NTAN1: variants seen among roughly 807,000 people sequenced by gnomAD.
The protein encoded by NTAN1 is protein N-terminal asparagine amidohydrolase.
Under a neutral mutation model 41.9 loss-of-function variants are expected in NTAN1, and 32 were observed. The observed-to-expected ratio is 0.76, with a 90% confidence interval of 0.58 to 1.03. NTAN1 has a LOEUF of 1.03. NTAN1 is among the 50% of genes least tolerant of loss of function. The probability of loss-of-function intolerance (pLI) is 0.00; values close to 1 mark genes in which losing one functional copy is unlikely to be tolerated. For synonymous variants in NTAN1, 140 were observed against 139.5 expected, an observed-to-expected ratio of 1.00 and a Z score of -0.03; for missense variants, 377 against 377.5, an observed-to-expected ratio of 1.00 and a Z score of 0.01.
At position 15,056,021 on chromosome 16, in the gene NTAN1, T is replaced by G. The variant is rs1382313033; in HGVS notation, c.-50A>C. 5 of 989,664 alleles carry G rather than the reference T, an allele frequency of 5.1e-6. No homozygotes were observed. Among genetic ancestry groups the G allele is most frequent in the Admixed American group, 9.6e-5 (2 of 20,736 alleles). 61.3% of individuals were successfully genotyped at this position (989,664 alleles called of 1,614,324 possible). On this transcript the variant is annotated 5_prime_UTR_variant, in exon 1 of 10. Transcript: ENST00000287706. The stretch of plus-strand genomic sequence containing the variant: ...CCCAGGGAGGCGGCGGCCCCCCGCT[T>G]TGCAGCCCCGGGCCGCCCGCCGCCC...
intron 5 of NTAN1, among the ~76,000 whole-genome samples, chr16:15,043,789 A>G (rs1009034796): frequency 6.6e-6 from 1 of 152,080 alleles, no homozygotes; most frequent in Non-Finnish European, 1.5e-5. Context: ...TTCTACCAAA[A>G]ATACAAAAAT....
chr16:15,039,881 AACTT>A lies in NTAN1; in HGVS notation c.639+84_639+87del. 5 of 745,558 alleles carry A rather than the reference AACTT, an allele frequency of 6.7e-6. No individual in the cohort carries two copies. The South Asian group carries it at 8.0e-5, about 12-fold the overall frequency. The allele number at this position is 745,558 out of a possible 1,614,324, so 46.2% of individuals were successfully genotyped here. On this transcript the variant is annotated intron_variant, in intron 8 of 9. Coordinates refer to ENST00000287706, the MANE Select transcript of NTAN1 (RefSeq NM_173474.4). Reference sequence around the variant, plus strand: ...CGGCTATAAAGAAGCTGACAGCATAAACTTTTCTAAGATCCCAAAAACTTAAGGC... The same window carrying A: ...CGGCTATAAAGAAGCTGACAGCATAATTCTAAGATCCCAAAAACTTAAGGC...
chr16:15,045,310 T>C (rs1465287485), intron 4 of NTAN1: 1 of 145,476 alleles, frequency 6.9e-6, no homozygotes, highest in African/African-American at 2.6e-5. Flanking sequence ...GGGGAAAAAA[T>C]AAATAAGTAA....
At chr16:15,049,597 C>T (rs1050684800) in intron 1 of NTAN1, among the ~76,000 whole-genome samples, 4 of 151,736 alleles carry the variant, frequency 2.6e-5, no homozygotes, top group South Asian at 2.1e-4. Context: ...CCCAGCTTTT[C>T]GTATTTTTAG....
Position 15,041,621 on chromosome 16 carries a change from AC to A in NTAN1, c.487+1del. On this transcript the variant is annotated splice_donor_variant, in intron 6 of 9. Coordinates refer to ENST00000287706, the MANE Select transcript of NTAN1 (RefSeq NM_173474.4). LOFTEE classifies it high-confidence loss of function. ...TGCTTTGGGGCAAATGGCAGGACTT[AC>A]CTGTCACACATAATGTCACTAAGTG... The A allele has an allele frequency of 6.2e-7, 1 of 1,607,504 alleles. No individual in the cohort carries two copies. Among genetic ancestry groups the A allele is most frequent in the Non-Finnish European group, 8.5e-7 (1 of 1,173,900 alleles).
chr16:15,039,663 G>A (rs2043718879), intron 8 of NTAN1, among the ~76,000 whole-genome samples: 3 of 152,166 alleles, frequency 2.0e-5, no homozygotes, highest in Admixed American at 6.5e-5. Context: ...TCCTCTCTTT[G>A]TAGAACTTTA....
rs1460908068 is a variant in NTAN1, at chr16:15,047,476, T to C, written c.325A>G (p.Ile109Val). The C allele has an allele frequency of 5.0e-6, 8 of 1,613,626 alleles. No individual in the cohort carries two copies. Among genetic ancestry groups the C allele is most frequent in the Non-Finnish European group, 6.8e-6 (8 of 1,179,484 alleles). ...TGAGCGTGGTCAGAAAAGGATTTTA[T>C]GGAGTTCATGATCAAGGGGACCTCA... ...KAEVPLIMNS[I>V]KSFSDHAQCG... is the part of the protein sequence containing the mutation. Residue 109 changes from isoleucine (I) to valine (V), a missense_variant, in exon 4 of 10, where the codon ATA (isoleucine) becomes GTA (valine). Transcript: ENST00000287706.
intron 1 of NTAN1, 33 bp from the exon 2 acceptor site, chr16:15,048,132 G>A: frequency 1.4e-6 from 2 of 1,426,654 alleles, no homozygotes; most frequent in African/African-American, 1.4e-5. Flanking sequence ...AAATAGTGAT[G>A]TAAATTAGTG....
At chr16:15,038,310 T>TAATA (rs1258177922) in intron 9 of NTAN1, 100 bp from the exon 10 acceptor site, 2 of 849,872 alleles carry the variant, frequency 2.4e-6, no homozygotes, top group Non-Finnish European at 3.6e-6. Context: ...CAAATATATA[T>TAATA]AATAAAATAC....
chr16:15,051,646 G>A (rs2044293903), intron 1 of NTAN1, among the ~76,000 whole-genome samples: 1 of 150,782 alleles, frequency 6.6e-6, no homozygotes, highest in Non-Finnish European at 1.5e-5. Flanking sequence ...CACCACACTT[G>A]TGCTAGGATT....
chr16:15,047,420 A>G (rs1326406984), intron 4 of NTAN1, 22 bp downstream of exon 4: 1 of 1,441,298 alleles, frequency 6.9e-7, no homozygotes. Context: ...CAATTCACCT[A>G]TGAGAGCAGC....
At chr16:15,040,822 CCTTT>C (rs1182397133) in intron 7 of NTAN1, among the ~76,000 whole-genome samples, 4 of 152,132 alleles carry the variant, frequency 2.6e-5, no homozygotes, top group Non-Finnish European at 4.4e-5. Flanking sequence ...CATGGCCTGT[CCTTT>C]CTATTTGCTA....
chr16:15,048,107 A>C lies in NTAN1; in HGVS notation c.82-8T>G. ...GAGAAGTCTGGCTCTTTCCTGTTTAATTAAAAAAAAAATAAAATAGTGATG... is the reference window on the plus strand; with the variant it reads ...GAGAAGTCTGGCTCTTTCCTGTTTACTTAAAAAAAAAATAAAATAGTGATG... On this transcript the variant is annotated splice_polypyrimidine_tract_variant and splice_region_variant and intron_variant, in intron 1 of 9. Coordinates refer to ENST00000287706, the MANE Select transcript of NTAN1 (RefSeq NM_173474.4). 1 of 1,551,472 alleles carries C rather than the reference A, an allele frequency of 6.4e-7. No individual in the cohort carries two copies. Among genetic ancestry groups the C allele is most frequent in the Non-Finnish European group, 8.8e-7 (1 of 1,136,808 alleles).
At chr16:15,049,055 G>A (rs1046570658) in intron 1 of NTAN1, among the ~76,000 whole-genome samples, 4 of 145,954 alleles carry the variant, frequency 2.7e-5, no homozygotes, top group African/African-American at 5.2e-5. Flanking sequence ...CGCCACACCT[G>A]GCTGAGTTTT....
rs557481252 is a variant in NTAN1 at position 15,038,705 on chromosome 16, A to G, written c.640-18T>C. 2 of 1,397,506 alleles carry G rather than the reference A, an allele frequency of 1.4e-6. No homozygotes were observed. Among genetic ancestry groups the G allele is most frequent in the African/African-American group, 1.4e-5 (1 of 70,608 alleles). The allele number at this position is 1,397,506 out of a possible 1,614,324, so 86.6% of individuals were successfully genotyped here. A position where few individuals can be genotyped will look rare whatever the true frequency, so the allele number is the denominator to read the frequency against. ...CTAATCATCTAAAAAAGAACGTGTC[A>G]AGGATAGAATTTCAGGAATGTCACC... On this transcript the variant is annotated intron_variant, in intron 8 of 9. Transcript: ENST00000287706.
At position 15,044,371 on chromosome 16, in the gene NTAN1, G is replaced by A; in HGVS notation, c.396C>T (p.Asp132=). The stretch of plus-strand genomic sequence containing the variant: ...GAGTGAGTTTTTGTGACAACTGCCT[G>A]TCGTCACTGAAGCCTCCAACAAGGT... The part of the protein sequence containing the change: ...EVHLVGGFSD[D]RQLSQKLTHQ... Residue 132 remains aspartate, a synonymous_variant, in exon 5 of 10, where the codon GAC becomes GAT. Coordinates refer to ENST00000287706, the MANE Select transcript of NTAN1 (RefSeq NM_173474.4). 1 of 1,613,556 alleles carries A rather than the reference G, an allele frequency of 6.2e-7. No homozygotes were observed. Among genetic ancestry groups the A allele is most frequent in the Non-Finnish European group, 8.5e-7 (1 of 1,179,522 alleles).
intron 3 of NTAN1, 39 bp downstream of exon 3, chr16:15,047,816 C>CAGTTTA: frequency 6.6e-7 from 1 of 1,517,082 alleles, no homozygotes; most frequent in Non-Finnish European, 9.2e-7. Context: ...AAGGTTGGGT[C>CAGTTTA]AGTTTAAGTA....
At chr16:15,040,971 C>A (rs1662437429) in intron 7 of NTAN1, 97 bp downstream of exon 7, 1 of 849,248 alleles carries the variant, frequency 1.2e-6, no homozygotes, top group African/African-American at 1.7e-5. Flanking sequence ...CCAAAGCTGT[C>A]CCATCCTGAC....
chr16:15,048,038 T>A lies in NTAN1; in HGVS notation c.143A>T (p.Tyr48Phe), dbSNP rs577076844. Residue 48 changes from tyrosine (Y) to phenylalanine (F), a missense_variant, in exon 2 of 10, where the codon TAT (tyrosine) becomes TTT (phenylalanine). Transcript: ENST00000287706. ...VQQVGPQGLLYVQQRELAVTS... is the reference protein window; with the variant it reads ...VQQVGPQGLLFVQQRELAVTS... ...CACTGCAAGCTCTCTTTGCTGAACA[T>A]ACAGAAGGCCCTGGGGTCCCACTTG... 21 of 1,613,682 alleles carry A rather than the reference T, an allele frequency of 1.3e-5. No individual in the cohort carries two copies. Among genetic ancestry groups the A allele is most frequent in the South Asian group, 3.3e-5 (3 of 91,068 alleles).
Sources: allele counts gnomAD v4.1 joint callset (sites outside exome capture counted in the v4.1 genomes callset), GRCh38; gene constraint gnomAD v4.1.1; transcripts MANE v1.5; gene names NCBI Gene and HGNC (gene_info 2026-07-23, HGNC 2026-07-21).